KCNJ4: variants seen among roughly 807,000 people sequenced by gnomAD.
The protein encoded by KCNJ4 is potassium inwardly rectifying channel subfamily J member 4, also known as inward rectifier potassium channel 4.
KCNJ4 carries 3 observed loss-of-function variants against 25.6 expected under a neutral mutation model. The observed-to-expected ratio is 0.12, with a 90% CI of 0.05 to 0.30. The LOEUF is 0.30. Among genes scored for constraint, KCNJ4 ranks in the 10% least tolerant of loss-of-function variants. The pLI, the probability that KCNJ4 is intolerant of heterozygous loss-of-function variation, is 1.00. For missense variants in KCNJ4, 286 were observed against 666.8 expected (o/e 0.43, Z 6.29); for synonymous variants, 257 against 283.9 (o/e 0.91, Z 0.95).
At position 38,426,630 on chromosome 22, in the gene KCNJ4, G is replaced by T; in HGVS notation, c.*165C>A. 1.2e-6 allele frequency: 1 copy of T among 858,228 alleles called. No individual in the cohort carries two copies. Among genetic ancestry groups the T allele is most frequent in the Non-Finnish European group, 1.8e-6 (1 of 548,836 alleles). The allele number at this position is 858,228 out of a possible 1,614,324, so 53.2% of individuals were successfully genotyped here. On this transcript the variant is annotated 3_prime_UTR_variant, in exon 2 of 2. Transcript: ENST00000303592. ...GGCCGAGCTCTTCCCAGGCCTGGGTGCTGGAGTCAGGAGGAAGGGGTCCCC... is the reference window on the plus strand; with the variant it reads ...GGCCGAGCTCTTCCCAGGCCTGGGTTCTGGAGTCAGGAGGAAGGGGTCCCC...
intron 1 of KCNJ4, among the ~76,000 whole-genome samples, chr22:38,446,954 C>CAAAAAAAAAAAAA (rs11294836): frequency 7.5e-6 from 1 of 133,904 alleles, no homozygotes; most frequent in African/African-American, 2.8e-5. Context: ...GACTCCATCT[C>CAAAAAAAAAAAAA]AAAAAAAAAA....
intron 1 of KCNJ4, among the ~76,000 whole-genome samples, chr22:38,444,481 G>A (rs1428785291): frequency 3.3e-5 from 5 of 152,206 alleles, no homozygotes; most frequent in Admixed American, 1.3e-4. Flanking sequence ...GGATGTCAGA[G>A]GGCTCATGCC....
intron 1 of KCNJ4, among the ~76,000 whole-genome samples, chr22:38,448,246 TAAAAAA>T (rs74267860): frequency 1.8e-5 from 2 of 112,880 alleles, no homozygotes; most frequent in African/African-American, 6.6e-5. Context: ...AACTCCGTCT[TAAAAAA>T]AAAAAAAAAA....
chr22:38,442,493 G>C (rs1602641400), intron 1 of KCNJ4, among the ~76,000 whole-genome samples: 1 of 145,604 alleles, frequency 6.9e-6, no homozygotes, highest in East Asian at 2.1e-4. Context: ...CTTGCAGTGA[G>C]CTGAGATTGC....
chr22:38,450,212 G>T (rs1341537716), intron 1 of KCNJ4, among the ~76,000 whole-genome samples: 3 of 152,184 alleles, frequency 2.0e-5, no homozygotes, highest in Non-Finnish European at 4.4e-5. Flanking sequence ...CCGCAGAGGA[G>T]GCTTAAAGGT....
chr22:38,426,976 T>A lies in KCNJ4; in HGVS notation c.1157A>T (p.Glu386Val), dbSNP rs1311570734. 1 of 1,612,174 alleles carries A rather than the reference T, an allele frequency of 6.2e-7. No homozygotes were observed. Among genetic ancestry groups the A allele is most frequent in the African/African-American group, 1.3e-5 (1 of 74,746 alleles). Residue 386 changes from glutamate to valine, a missense_variant, in exon 2 of 2, where the codon GAG (glutamate) becomes GTG (valine). By Grantham distance (121) the Glu-to-Val change is moderately radical. This residue lies in a region of KCNJ4 where 77 missense variants were observed against 97.6 expected (regional missense o/e 0.79). Coordinates refer to ENST00000303592, the MANE Select transcript of KCNJ4 (RefSeq NM_152868.3). ...CGCCGCAGCTGCCTCCTCCTCCATC[T>A]CCTCTTCCTCCTGGCTCATAAGGGC... is the stretch of plus-strand genomic sequence containing the variant. Reference protein sequence around the residue: ...ELALMSQEEEEMEEEAAAAAA... With the variant: ...ELALMSQEEEVMEEEAAAAAA...
chr22:38,454,285 C>T (rs1360491750), intron 1 of KCNJ4, among the ~76,000 whole-genome samples: 1 of 152,142 alleles, frequency 6.6e-6, no homozygotes, highest in African/African-American at 2.4e-5. Context: ...ACACTGGGGG[C>T]AGAAATGTGG....
intron 1 of KCNJ4, among the ~76,000 whole-genome samples, chr22:38,451,609 G>A (rs2089410681): frequency 6.6e-6 from 1 of 152,192 alleles, no homozygotes; most frequent in South Asian, 2.1e-4. Flanking sequence ...GCTTGCCACA[G>A]TGTTACACAG....
chr22:38,454,530 C>A (rs1419225112), intron 1 of KCNJ4, among the ~76,000 whole-genome samples: 3 of 152,148 alleles, frequency 2.0e-5, no homozygotes, highest in Non-Finnish European at 4.4e-5. Context: ...AGTAGGTGCT[C>A]AAAACATGAG....
At chr22:38,439,337 C>A (rs538990911) in intron 1 of KCNJ4, among the ~76,000 whole-genome samples, 25 of 152,090 alleles carry the variant, frequency 1.6e-4, no homozygotes, top group Non-Finnish European at 3.2e-4. Context: ...GAGGCTGAGG[C>A]AAGAGAATCA....
At position 38,443,578 on chromosome 22, in the gene KCNJ4, T is replaced by G. The variant is rs1232121328; in HGVS notation, c.-40+11402A>C. On this transcript the variant is annotated intron_variant, in intron 1 of 1. Transcript: ENST00000303592. The surrounding 1 kb of genome is among the most constrained non-coding windows in gnomAD (Gnocchi z 4.1). ...AAGCCCAACCGCAATAACAATGGGT[T>G]AATAACTAACATGCACTTAGTGTTC... 6.6e-6 allele frequency among the ~76,000 whole-genome samples: 1 copy of G among 152,178 alleles called. No individual in the cohort carries two copies. Among genetic ancestry groups the G allele is most frequent in the Non-Finnish European group, 1.5e-5 (1 of 68,034 alleles).
At chr22:38,438,353 G>A (rs2089307839) in intron 1 of KCNJ4, among the ~76,000 whole-genome samples, 3 of 151,560 alleles carry the variant, frequency 2.0e-5, no homozygotes, top group South Asian at 4.2e-4. Context: ...TCGTGCCACT[G>A]CACTCCAGCC....
chr22:38,450,746 C>T (rs1002663905), intron 1 of KCNJ4, among the ~76,000 whole-genome samples: 7 of 152,168 alleles, frequency 4.6e-5, no homozygotes, highest in Non-Finnish European at 8.8e-5. Flanking sequence ...TCAGTCTTCC[C>T]ATCTATGAAA....
chr22:38,435,596 G>A (rs2093063059), intron 1 of KCNJ4, among the ~76,000 whole-genome samples: 1 of 151,668 alleles, frequency 6.6e-6, no homozygotes, highest in Non-Finnish European at 1.5e-5. Context: ...GGGAGGCCGA[G>A]GAAGGAGAAT....
chr22:38,437,868 C>T lies in KCNJ4; in HGVS notation c.-39-9697G>A, dbSNP rs979113885. Among the ~76,000 whole-genome samples, 5 of 151,912 alleles carry T rather than the reference C, an allele frequency of 3.3e-5. 1 individual carries two copies. Among genetic ancestry groups the T allele is most frequent in the South Asian group, 4.2e-4 (2 of 4,810 alleles). ...CTGTAATCCTAGCACTTTGGGAGGC[C>T]GAAGTGGGCAGATAACTTGAGGTCA... On this transcript the variant is annotated intron_variant, in intron 1 of 1. Transcript: ENST00000303592.
chr22:38,441,834 C>T (rs558577046), intron 1 of KCNJ4, among the ~76,000 whole-genome samples: 5 of 152,338 alleles, frequency 3.3e-5, no homozygotes, highest in Non-Finnish European at 5.9e-5. Flanking sequence ...CGCCTGGAAG[C>T]GGCCCAAATG....
chr22:38,442,811 C>T (rs373749156), intron 1 of KCNJ4, among the ~76,000 whole-genome samples: 13 of 152,146 alleles, frequency 8.5e-5, no homozygotes, highest in African/African-American at 2.9e-4. Flanking sequence ...GGCACTATCA[C>T]AGCTCACTGT....
chr22:38,450,661 G>A (rs1242075627), intron 1 of KCNJ4, among the ~76,000 whole-genome samples: 1 of 152,176 alleles, frequency 6.6e-6, no homozygotes, highest in African/African-American at 2.4e-5. Flanking sequence ...AGAGCCCTGG[G>A]CCAGGAGACA....
chr22:38,453,488 C>T (rs903817005), intron 1 of KCNJ4, among the ~76,000 whole-genome samples: 2 of 152,150 alleles, frequency 1.3e-5, no homozygotes, highest in Non-Finnish European at 2.9e-5. Flanking sequence ...CAGCTATTTC[C>T]GCCATATTCC....
Sources: allele counts gnomAD v4.1 joint callset (sites outside exome capture counted in the v4.1 genomes callset), GRCh38; gene constraint gnomAD v4.1.1; regional missense constraint gnomAD v4.1.1; non-coding constraint Gnocchi (gnomAD v3.1); transcripts MANE v1.5; gene names NCBI Gene and HGNC (gene_info 2026-07-23, HGNC 2026-07-21).